Variants in AKR1C4 observed in about 807,000 individuals in gnomAD.
AKR1C4 encodes 3-alpha-HSD1.
Under a neutral mutation model 41.0 loss-of-function variants are expected in AKR1C4, and 44 were observed. That is an observed-to-expected ratio of 1.07 (90% CI 0.84 to 1.38). The LOEUF (loss-of-function observed/expected upper bound fraction) is 1.38. Ranked by LOEUF, AKR1C4 falls within the 40% of genes most tolerant of loss-of-function variation. AKR1C4 has a pLI of 0.00. For synonymous variants in AKR1C4, 165 were observed against 137.7 expected (o/e 1.20, Z -1.39); for missense variants, 438 against 387.9 (o/e 1.13, Z -1.09).
At chr10:5,200,135 C>G in intron 1 of AKR1C4, 46 bp from the exon 2 acceptor site, 3 of 1,582,626 alleles carry the variant, frequency 1.9e-6, no homozygotes, top group Non-Finnish European at 2.6e-6. Flanking sequence ...TTCACTACCT[C>G]TCAAGCACAT....
intron 7 of AKR1C4, 151 bp downstream of exon 7, chr10:5,213,310 C>A: frequency 1.5e-6 from 2 of 1,322,346 alleles, no homozygotes; most frequent in Non-Finnish European, 2.0e-6. Context: ...TTCTACTCTA[C>A]CACAGGAGGG....
intron 5 of AKR1C4, among the ~76,000 whole-genome samples, chr10:5,211,189 T>TGGA (rs1232637954): frequency 6.6e-6 from 1 of 152,236 alleles, no homozygotes; most frequent in Non-Finnish European, 1.5e-5. Context: ...TGACATGCCT[T>TGGA]GGAGACATTT....
At chr10:5,207,536 T>TC in intron 5 of AKR1C4, 1 of 549,932 alleles carries the variant, frequency 1.8e-6, no homozygotes, top group Non-Finnish European at 3.4e-6. Context: ...AATAAAGATG[T>TC]CCCTGTACTT....
In AKR1C4 at chr10:5,218,712, T is replaced by C. The variant is rs782658123; in HGVS notation, c.930-6T>C. On this transcript the variant is annotated splice_polypyrimidine_tract_variant and splice_region_variant and intron_variant, in intron 8 of 8. Transcript: ENST00000263126. Reference sequence around the variant, plus strand: ...CATATTTATGTACTATCCTTTCTCTTTTCAGTCTTATGGACCATCCTGATT... The same window carrying C: ...CATATTTATGTACTATCCTTTCTCTCTTCAGTCTTATGGACCATCCTGATT... The C allele has an allele frequency of 6.3e-7, 1 of 1,590,300 alleles. No individual in the cohort carries two copies.
chr10:5,212,089 A>G (rs931689847), intron 5 of AKR1C4, among the ~76,000 whole-genome samples: 2 of 152,226 alleles, frequency 1.3e-5, no homozygotes, highest in South Asian at 4.1e-4. Context: ...GCCAAAACAT[A>G]TGAATCACCA....
At chr10:5,210,606 AT>A (rs3039090) in intron 5 of AKR1C4, among the ~76,000 whole-genome samples, 4,067 of 144,814 alleles carry the variant, frequency 0.028, 140 homozygotes, top group African/African-American at 0.093. Context: ...CCAAACCTCA[AT>A]TTTTTTTTTT....
intron 8 of AKR1C4, among the ~76,000 whole-genome samples, chr10:5,217,256 G>T (rs1210728455): frequency 6.6e-6 from 1 of 152,028 alleles, no homozygotes; most frequent in Admixed American, 6.5e-5. Context: ...CTTCCATATG[G>T]AATTGCTCAC....
chr10:5,210,410 G>A (rs1299559706), intron 5 of AKR1C4, among the ~76,000 whole-genome samples: 1 of 152,182 alleles, frequency 6.6e-6, no homozygotes, highest in African/African-American at 2.4e-5. Flanking sequence ...GGGTCTGGAG[G>A]ATGGTGGCCC....
chr10:5,218,097 C>T (rs1317174091), intron 8 of AKR1C4, among the ~76,000 whole-genome samples: 2 of 151,466 alleles, frequency 1.3e-5, no homozygotes, highest in Non-Finnish European at 2.9e-5. Flanking sequence ...TCTCACCAAT[C>T]AATTATTCAA....
At chr10:5,204,792 C>A in intron 3 of AKR1C4, 1 of 335,446 alleles carries the variant, frequency 3.0e-6, no homozygotes, top group Admixed American at 4.8e-5. Flanking sequence ...AGGATCTTCA[C>A]AGATACAGAG....
Position 5,217,777 on chromosome 10 carries a change from A to G in AKR1C4, c.930-941A>G, listed in dbSNP as rs528388841. Among the ~76,000 whole-genome samples the G allele has an allele frequency of 9.2e-5, 14 of 152,296 alleles. No individual in the cohort carries two copies. In the South Asian group the frequency reaches 2.9e-3, roughly 32 times the overall value. ...TCAGTCATTAAAAAACAAAAAAATC[A>G]AGGGAAGAGTTGGAAAGTCCCATCT... On this transcript the variant is annotated intron_variant, in intron 8 of 8. Coordinates refer to ENST00000263126, the MANE Select transcript of AKR1C4 (RefSeq NM_001818.5).
chr10:5,208,015 C>T (rs1461153684), intron 5 of AKR1C4, among the ~76,000 whole-genome samples: 2 of 146,800 alleles, frequency 1.4e-5, no homozygotes, highest in African/African-American at 2.7e-5. Flanking sequence ...TTAACCAGAA[C>T]ACAATTGTGG....
rs373849242 is a variant in AKR1C4 at position 5,215,657 on chromosome 10, A to G, written c.847-1054A>G. Among the ~76,000 whole-genome samples the G allele has an allele frequency of 7.5e-4, 114 of 152,342 alleles. 1 individual carries two copies. The South Asian group carries it at 0.022, about 29-fold the overall frequency. Reference sequence around the variant, plus strand: ...GTTCAGACTTCCACAAAGTCCTGGAATGGACACGATGCAGTCAAGTTCTTT... The same window carrying G: ...GTTCAGACTTCCACAAAGTCCTGGAGTGGACACGATGCAGTCAAGTTCTTT... On this transcript the variant is annotated intron_variant, in intron 7 of 8. Transcript: ENST00000263126.
intron 8 of AKR1C4, 57 bp downstream of exon 8, chr10:5,216,850 T>G: frequency 7.6e-7 from 1 of 1,313,242 alleles, no homozygotes; most frequent in South Asian, 1.3e-5. Context: ...GAATGTCAGA[T>G]GGGTGTTGAA....
chr10:5,204,096 A>G (rs1304265531), intron 2 of AKR1C4, among the ~76,000 whole-genome samples: 4 of 152,198 alleles, frequency 2.6e-5, no homozygotes, highest in African/African-American at 9.7e-5. Context: ...GACTATTCAA[A>G]TGCTTTATAA....
chr10:5,207,622 A>C, intron 5 of AKR1C4: 1 of 1,173,296 alleles, frequency 8.5e-7, no homozygotes, highest in Non-Finnish European at 1.2e-6. Flanking sequence ...GGTTGAACTA[A>C]GCTCATCAAC....
At chr10:5,212,496 T>G in intron 5 of AKR1C4, 120 bp from the exon 6 acceptor site, 3 of 914,752 alleles carry the variant, frequency 3.3e-6, no homozygotes, top group Non-Finnish European at 4.8e-6. Context: ...AAAATGATTG[T>G]TACTTGACAG....
chr10:5,210,862 A>G (rs898134397), intron 5 of AKR1C4, among the ~76,000 whole-genome samples: 4 of 152,208 alleles, frequency 2.6e-5, no homozygotes, highest in Non-Finnish European at 1.5e-5. Flanking sequence ...TGCCTGCCTC[A>G]GCCTCCCAAA....
At chr10:5,211,396 T>G (rs117071142) in intron 5 of AKR1C4, among the ~76,000 whole-genome samples, 11,087 of 152,280 alleles carry the variant, frequency 0.073, 500 homozygotes, top group Admixed American at 0.13. Flanking sequence ...TTGAATGCTT[T>G]GCTTAGAAAT....
Sources: gnomAD v4.1 joint callset for allele counts (sites outside exome capture counted in the v4.1 genomes callset) on GRCh38, gnomAD v4.1.1 for gene constraint, MANE v1.5 for transcripts, NCBI Gene and HGNC (gene_info 2026-07-23, HGNC 2026-07-21) for gene names.